The following SULT1E1 variants were observed in gnomAD, a reference collection of about 807,000 sequenced individuals.
SULT1E1 encodes the protein sulfotransferase 1E1.
In SULT1E1, 36 loss-of-function variants were observed where a neutral mutation model predicts 33.6. The ratio of observed to expected loss-of-function variants is 1.07; its 90% confidence interval spans 0.82 to 1.41. SULT1E1 has a LOEUF of 1.41. Among genes scored for constraint, SULT1E1 ranks in the 40% most tolerant of loss-of-function variants. The pLI, the probability that SULT1E1 is intolerant of heterozygous loss-of-function variation, is 0.00. For missense variants in SULT1E1, 371 were observed against 345.7 expected, an observed-to-expected ratio of 1.07 and a Z score of -0.58; for synonymous variants, 121 against 111.7, an observed-to-expected ratio of 1.08 and a Z score of -0.53.
chr4:69,854,174 C>A (rs202025952), intron 4 of SULT1E1, 43 bp downstream of exon 4: 8 of 1,432,438 alleles, frequency 5.6e-6, no homozygotes, highest in Non-Finnish European at 7.8e-6. Context: ...TCTATCATTT[C>A]TTGGAATTGG....
chr4:69,821,208 T>C, the SULT1E1 span, among the ~76,000 whole-genome samples: 11,023 of 152,226 alleles, frequency 0.072, 1,333 homozygotes, highest in African/African-American at 0.25. Flanking sequence ...CCAATGTTTA[T>C]AGAATTTATA....
the SULT1E1 span, among the ~76,000 whole-genome samples, chr4:69,833,229 T>C: frequency 6.6e-6 from 1 of 152,110 alleles, no homozygotes; most frequent in Non-Finnish European, 1.5e-5. Context: ...CAGTCAACAT[T>C]GTTGATATGA....
intron 4 of SULT1E1, 92 bp downstream of exon 4, chr4:69,854,125 A>G: frequency 1.3e-6 from 1 of 795,408 alleles, no homozygotes; most frequent in Non-Finnish European, 2.0e-6. Flanking sequence ...GATTCAATGA[A>G]AGAATAAATA....
Position 69,841,296 on chromosome 4 carries a change from T to A in SULT1E1, c.*698A>T, listed in dbSNP as rs1478255412. ...CTACATCATTCCCATAGGTTATAGT[T>A]GTGCATGATATTTATAAAAAATAGA... is the stretch of plus-strand genomic sequence containing the variant. On this transcript the variant is annotated 3_prime_UTR_variant, in exon 8 of 8. Coordinates refer to ENST00000226444, the MANE Select transcript of SULT1E1 (RefSeq NM_005420.3). The A allele has an allele frequency of 6.6e-6, 1 of 152,086 alleles. No homozygotes were observed. The highest frequency in any genetic ancestry group is 1.5e-5 in the Non-Finnish European group (1 of 68,020). 9.4% of individuals were successfully genotyped at this position (152,086 alleles called of 1,614,324 possible).
the SULT1E1 span, among the ~76,000 whole-genome samples, chr4:69,821,977 T>C: frequency 3.3e-5 from 5 of 152,358 alleles, no homozygotes; most frequent in South Asian, 2.1e-4. Flanking sequence ...TTGTTAATTA[T>C]GTATAGTTGC....
the SULT1E1 span, among the ~76,000 whole-genome samples, chr4:69,824,240 A>C: frequency 6.6e-6 from 1 of 152,190 alleles, no homozygotes; most frequent in East Asian, 1.9e-4. Context: ...GTGCCTTAAA[A>C]CAAGGAGGCC....
chr4:69,823,388 C>G, the SULT1E1 span, among the ~76,000 whole-genome samples: 1 of 152,100 alleles, frequency 6.6e-6, no homozygotes, highest in Non-Finnish European at 1.5e-5. Context: ...AAACTAAGCT[C>G]TTTCATTTGG....
the SULT1E1 span, among the ~76,000 whole-genome samples, chr4:69,828,957 C>T: frequency 2.6e-5 from 4 of 152,296 alleles, no homozygotes; most frequent in East Asian, 7.7e-4. Flanking sequence ...GATCTGAGGC[C>T]AGTGTCTCTG....
chr4:69,843,212 C>A (rs962784821), intron 7 of SULT1E1, among the ~76,000 whole-genome samples: 8 of 152,032 alleles, frequency 5.3e-5, no homozygotes, highest in Admixed American at 4.6e-4. Flanking sequence ...ACTGAAATAA[C>A]CCAAAAACCA....
the SULT1E1 span, among the ~76,000 whole-genome samples, chr4:69,827,557 C>T: frequency 7.2e-5 from 11 of 152,030 alleles, no homozygotes; most frequent in African/African-American, 2.2e-4. Context: ...AAATATGCTC[C>T]CCTGTCACCT....
Position 69,854,305 on chromosome 4 carries a change from T to A in SULT1E1, c.281A>T (p.Gln94Leu), listed in dbSNP as rs1229728603. Residue 94 changes from glutamine to leucine, a missense_variant, in exon 4 of 8, where the codon CAA becomes CTA. Gln to Leu is a moderately radical substitution (Grantham distance 113, BLOSUM62 -2). Transcript: ENST00000226444. ...TCTAGGAGAATTCATCTCATCTAAT[T>A]GTTTTACTCCTGATTTTTAAAAAAG... Reference protein sequence around the residue: ...RKENLMNGVKQLDEMNSPRIV... With the variant: ...RKENLMNGVKLLDEMNSPRIV... 1 of 1,605,220 alleles carries A rather than the reference T, an allele frequency of 6.2e-7. No individual in the cohort carries two copies. The highest frequency in any genetic ancestry group is 1.1e-5 in the South Asian group (1 of 89,590).
the SULT1E1 span, among the ~76,000 whole-genome samples, chr4:69,821,302 A>T: frequency 2.0e-5 from 3 of 152,198 alleles, no homozygotes; most frequent in African/African-American, 7.2e-5. Flanking sequence ...ACCCAATTTC[A>T]TATCTTATGA....
At chr4:69,857,713 A>G (rs1480723610) in intron 1 of SULT1E1, 60 bp from the exon 2 acceptor site, 10 of 1,492,198 alleles carry the variant, frequency 6.7e-6, no homozygotes, top group Non-Finnish European at 8.9e-6. Flanking sequence ...ACCATTAACA[A>G]CTATGTATAT....
chr4:69,848,963 G>A (rs1253373333), intron 5 of SULT1E1, among the ~76,000 whole-genome samples: 1 of 151,870 alleles, frequency 6.6e-6, no homozygotes, highest in African/African-American at 2.4e-5. Flanking sequence ...GGTAGAATGA[G>A]GAAGAGTTTT....
At chr4:69,855,525 C>A in intron 2 of SULT1E1, 99 bp from the exon 3 acceptor site, 1 of 1,242,702 alleles carries the variant, frequency 8.0e-7, no homozygotes, top group Non-Finnish European at 1.1e-6. Context: ...GGTACCAATG[C>A]AATACTATTT....
chr4:69,859,765 T>C (rs532951462), intron 1 of SULT1E1, among the ~76,000 whole-genome samples: 1 of 152,214 alleles, frequency 6.6e-6, no homozygotes, highest in African/African-American at 2.4e-5. Flanking sequence ...ATTGGTAAAA[T>C]GGAGAACACG....
At chr4:69,856,827 T>G (rs920115566) in intron 2 of SULT1E1, among the ~76,000 whole-genome samples, 1 of 146,196 alleles carries the variant, frequency 6.8e-6, no homozygotes, top group Non-Finnish European at 1.5e-5. Flanking sequence ...TCCCAGCTAC[T>G]CGGGAGGCTG....
chr4:69,832,593 T>C, the SULT1E1 span, among the ~76,000 whole-genome samples: 1 of 152,176 alleles, frequency 6.6e-6, no homozygotes, highest in South Asian at 2.1e-4. Context: ...AACTCAGGTT[T>C]AGTATACCCC....
intron 6 of SULT1E1, among the ~76,000 whole-genome samples, chr4:69,846,117 ACT>A (rs1207338512): frequency 6.7e-6 from 1 of 150,158 alleles, no homozygotes; most frequent in African/African-American, 2.4e-5. Flanking sequence ...TAATAAAGAA[ACT>A]CATTATGTTT....
Sources: allele counts gnomAD v4.1 joint callset (sites outside exome capture counted in the v4.1 genomes callset), GRCh38; gene constraint gnomAD v4.1.1; transcripts MANE v1.5; gene names NCBI Gene and HGNC (gene_info 2026-07-23, HGNC 2026-07-21).